Variants in RGMA observed in about 807,000 individuals in gnomAD.
RGMA encodes the protein repulsive guidance molecule A.
RGMA carries 10 observed loss-of-function variants against 23.2 expected under a neutral mutation model. That is an observed-to-expected ratio of 0.43 (90% confidence interval 0.27 to 0.73). RGMA has a LOEUF of 0.73. Ranked by LOEUF, RGMA falls within the 30% of genes least tolerant of loss-of-function variation. The probability of loss-of-function intolerance (pLI) is 0.20; values close to 1 mark genes in which losing one functional copy is unlikely to be tolerated. For synonymous variants in RGMA, 308 were observed against 279.3 expected (o/e 1.10, Z -1.03); for missense variants, 547 against 630.5 (o/e 0.87, Z 1.42).
Position 93,052,400 on chromosome 15 carries a change from G to A in RGMA, c.238C>T (p.Arg80Cys). 1 of 1,599,372 alleles carries A rather than the reference G, an allele frequency of 6.3e-7. No individual in the cohort carries two copies. The highest frequency in any genetic ancestry group is 8.5e-7 in the Non-Finnish European group (1 of 1,179,296). ...CGCCGCGTGCACAGGGCGTAGCTGCGCAAGGCTGCACAGAACTCGGGGGTG... is the reference window on the plus strand; with the variant it reads ...CGCCGCGTGCACAGGGCGTAGCTGCACAAGGCTGCACAGAACTCGGGGGTG... ...DDTPEFCAAL[R>C]SYALCTRRTA... is the part of the protein sequence containing the mutation. The change falls in exon 3 of 4, where the codon CGC becomes TGC. Residue 80 changes from arginine (R) to cysteine (C), a missense_variant. Transcript: ENST00000329082.
Position 93,045,340 on chromosome 15 carries a change from G to A in RGMA, c.1011C>T (p.Thr337=), listed in dbSNP as rs370614851. The A allele has an allele frequency of 4.5e-5, 72 of 1,612,456 alleles. No individual in the cohort carries two copies. The highest frequency in any genetic ancestry group is 1.7e-4 in the Middle Eastern group (1 of 6,060). The change falls in exon 4 of 4, where the codon ACC becomes ACT. Residue 337 remains threonine (T), a synonymous_variant. Transcript: ENST00000329082. This position sits in a 1 kb window ranked among gnomAD's most constrained non-coding sequence, Gnocchi z 6.9. The part of the protein sequence containing the change: ...FQAFHTNAEG[T]GARRLAAASP... Reference sequence around the variant, plus strand: ...TGGCGGCTGCCAGCCTGCGGGCACCGGTGCCCTCAGCATTGGTGTGGAAGG... The same window carrying A: ...TGGCGGCTGCCAGCCTGCGGGCACCAGTGCCCTCAGCATTGGTGTGGAAGG...
chr15:93,082,303 T>G (rs1486161810), intron 1 of RGMA, among the ~76,000 whole-genome samples: 4 of 152,242 alleles, frequency 2.6e-5, no homozygotes, highest in Non-Finnish European at 5.9e-5. Flanking sequence ...GACTTCTAGG[T>G]GGGTTTTAAG....
chr15:93,071,119 G>A (rs967233471), intron 2 of RGMA, among the ~76,000 whole-genome samples: 1 of 152,148 alleles, frequency 6.6e-6, no homozygotes, highest in African/African-American at 2.4e-5. Context: ...TTTGAGCTGA[G>A]ATCACATCCC....
intron 2 of RGMA, among the ~76,000 whole-genome samples, chr15:93,072,628 C>A (rs989216144): frequency 1.3e-5 from 2 of 152,220 alleles, no homozygotes; most frequent in Admixed American, 6.5e-5. Flanking sequence ...TTCCCAGCCA[C>A]CCCCTTTCTC....
chr15:93,064,673 A>G (rs1185962887), intron 2 of RGMA, among the ~76,000 whole-genome samples: 1 of 152,226 alleles, frequency 6.6e-6, no homozygotes, highest in East Asian at 1.9e-4. Flanking sequence ...GTAATCGGGT[A>G]TTCTGCCGGC....
In RGMA at chr15:93,036,930, C is replaced by T. The variant is rs182252154; in HGVS notation, c.*8068G>A. 1 of 152,322 alleles carries T rather than the reference C, an allele frequency of 6.6e-6. No homozygotes were observed. Among genetic ancestry groups the T allele is most frequent in the African/African-American group, 2.4e-5 (1 of 41,564 alleles). 9.4% of individuals were successfully genotyped at this position (152,322 alleles called of 1,614,324 possible). ...AAATTTGACAAAGCAATGCAGGACTCGTTTCTATTTCCCAAGGAGGTAGAC... is the reference window on the plus strand; with the variant it reads ...AAATTTGACAAAGCAATGCAGGACTTGTTTCTATTTCCCAAGGAGGTAGAC... On this transcript the variant is annotated 3_prime_UTR_variant, in exon 4 of 4. Coordinates refer to ENST00000329082, the MANE Select transcript of RGMA (RefSeq NM_020211.3).
Position 93,045,294 on chromosome 15 carries a change from C to T in RGMA, c.1057G>A (p.Glu353Lys), listed in dbSNP as rs747372439. 2.5e-5 allele frequency: 40 copies of T among 1,612,604 alleles called. No individual in the cohort carries two copies. Among genetic ancestry groups the T allele is most frequent in the Middle Eastern group, 1.6e-4 (1 of 6,084 alleles). ...ACGGCTGTCTCGTATGGGAAGGTCT[C>T]GGGGGCTGTGGGTGCAGGGCTGGCG... ...AAASPAPTAP[E>K]TFPYETAVAK... The change falls in exon 4 of 4, where the codon GAG (glutamate) becomes AAG (lysine). Residue 353 changes from glutamate (E) to lysine (K), a missense_variant. Glu to Lys is a moderately conservative substitution (Grantham distance 56, BLOSUM62 1). Transcript: ENST00000329082. This position sits in a 1 kb window ranked among gnomAD's most constrained non-coding sequence, Gnocchi z 6.9.
rs76205015 is a variant in RGMA, at chr15:93,078,962, A to G, written c.15-5931T>C. ...GGATTATGTTCTCATAAATGCATTA[A>G]CAGACTTGCGCCTGCAAAAGCTTAA... On this transcript the variant is annotated intron_variant, in intron 1 of 3. Coordinates refer to ENST00000329082, the MANE Select transcript of RGMA (RefSeq NM_020211.3). Among the ~76,000 whole-genome samples, 672 of 152,358 alleles carry G rather than the reference A, an allele frequency of 4.4e-3. 8 individuals are homozygous for G. The highest frequency in any genetic ancestry group is 0.015 in the African/African-American group (623 of 41,584).
rs925549282 is a variant in RGMA, at chr15:93,041,613, C to G, written c.*3385G>C. Reference sequence around the variant, plus strand: ...TTCGTCTAGTAGAGATTTCTTTTTTCTTTTTCTTCTGTGTGCCCTGGCTTC... The same window carrying G: ...TTCGTCTAGTAGAGATTTCTTTTTTGTTTTTCTTCTGTGTGCCCTGGCTTC... On this transcript the variant is annotated 3_prime_UTR_variant, in exon 4 of 4. Transcript: ENST00000329082. 6.7e-6 allele frequency: 1 copy of G among 149,832 alleles called. No homozygotes were observed. The highest frequency in any genetic ancestry group is 2.5e-5 in the African/African-American group (1 of 40,242). The allele number at this position is 149,832 out of a possible 1,614,324, so 9.3% of individuals were successfully genotyped here. A position where few individuals can be genotyped will look rare whatever the true frequency, so the allele number is the denominator to read the frequency against.
intron 2 of RGMA, among the ~76,000 whole-genome samples, chr15:93,071,570 A>C (rs1895323309): frequency 6.6e-6 from 1 of 152,168 alleles, no homozygotes. Flanking sequence ...AGCCGGACGC[A>C]CAAGTCTGAG....
At chr15:93,079,114 C>G (rs1412650132) in intron 1 of RGMA, among the ~76,000 whole-genome samples, 2 of 152,208 alleles carry the variant, frequency 1.3e-5, no homozygotes, top group African/African-American at 4.8e-5. Flanking sequence ...TCAGATAATC[C>G]ATGTAAATTT....
rs142912697 is a variant in RGMA at position 93,067,328 on chromosome 15, A to C, written c.130+5588T>G. 3.4e-4 allele frequency among the ~76,000 whole-genome samples: 52 copies of C among 152,380 alleles called. No homozygotes were observed. In the East Asian group the frequency reaches 8.7e-3, roughly 25 times the overall value. On this transcript the variant is annotated intron_variant, in intron 2 of 3. Coordinates refer to ENST00000329082, the MANE Select transcript of RGMA (RefSeq NM_020211.3). ...CTTTGCCCATTGAGCAAAACCCAAA[A>C]CAAACAGAAACACACACAAAAACCC... is the stretch of plus-strand genomic sequence containing the variant.
At chr15:93,088,053 G>A (rs111706342) in intron 1 of RGMA, among the ~76,000 whole-genome samples, 2 of 152,046 alleles carry the variant, frequency 1.3e-5, no homozygotes, top group Admixed American at 6.5e-5. Flanking sequence ...CTCCGCCCGC[G>A]AGACACCCAA....
In RGMA at chr15:93,042,946, AC is replaced by A. The variant is rs1400066274; in HGVS notation, c.*2051del. On this transcript the variant is annotated 3_prime_UTR_variant, in exon 4 of 4. Coordinates refer to ENST00000329082, the MANE Select transcript of RGMA (RefSeq NM_020211.3). ...GTCATCCCAGATCTCAGGCTATCCC[AC>A]CCATCTCATCCCAGAGGGCACCATA... 1 of 152,118 alleles carries A rather than the reference AC, an allele frequency of 6.6e-6. No homozygotes were observed. Among genetic ancestry groups the A allele is most frequent in the Admixed American group, 6.6e-5 (1 of 15,262 alleles). 9.4% of individuals were successfully genotyped at this position (152,118 alleles called of 1,614,324 possible).
intron 2 of RGMA, among the ~76,000 whole-genome samples, chr15:93,053,751 C>CA (rs1188034645): frequency 6.6e-6 from 1 of 152,202 alleles, no homozygotes; most frequent in East Asian, 1.9e-4. Flanking sequence ...TACTGGAGCA[C>CA]AAGTCACCTT....
chr15:93,069,094 A>ATC (rs1895242353), intron 2 of RGMA, among the ~76,000 whole-genome samples: 1 of 129,958 alleles, frequency 7.7e-6, no homozygotes, highest in African/African-American at 2.8e-5. Flanking sequence ...AAGCAGGCTG[A>ATC]TCTGCTGATG....
rs1372323138 is a variant in RGMA at position 93,089,140 on chromosome 15, G to A, written c.-208C>T. On this transcript the variant is annotated 5_prime_UTR_variant, in exon 1 of 4. Transcript: ENST00000329082. ...AGCGCCTGGCGGAGCCGGCCCGGGA[G>A]CGAACGGCCAGTGCTTCCCCGGCCC... is the stretch of plus-strand genomic sequence containing the variant. 2 of 332,690 alleles carry A rather than the reference G, an allele frequency of 6.0e-6. No individual in the cohort carries two copies. The highest frequency in any genetic ancestry group is 4.6e-5 in the East Asian group (1 of 21,558). The allele number at this position is 332,690 out of a possible 1,614,324, so 20.6% of individuals were successfully genotyped here.
chr15:93,070,614 C>T (rs1057277343), intron 2 of RGMA, among the ~76,000 whole-genome samples: 4 of 152,208 alleles, frequency 2.6e-5, no homozygotes, highest in Non-Finnish European at 5.9e-5. Context: ...TTTTGACCCA[C>T]ATTTCTAGAG....
chr15:93,066,038 T>C, intron 2 of RGMA: 2 of 1,506,982 alleles, frequency 1.3e-6, no homozygotes, highest in Non-Finnish European at 1.8e-6. Flanking sequence ...GCTGAAGGGA[T>C]CTCTGCCACC....
Sources: allele counts gnomAD v4.1 joint callset (sites outside exome capture counted in the v4.1 genomes callset), GRCh38; gene constraint gnomAD v4.1.1; non-coding constraint Gnocchi (gnomAD v3.1); transcripts MANE v1.5; gene names NCBI Gene and HGNC (gene_info 2026-07-23, HGNC 2026-07-21).